The following CELF2 variants were observed in gnomAD, a reference collection of about 807,000 sequenced individuals.
The protein encoded by CELF2 is CUGBP Elav-like family member 2, also known as CUG triplet repeat RNA-binding protein 2.
CELF2 carries 8 observed loss-of-function variants against 62.6 expected under a neutral mutation model. That is an observed-to-expected ratio of 0.13 (90% CI 0.07 to 0.23). The LOEUF is 0.23. Ranked by LOEUF, CELF2 falls within the 10% of genes least tolerant of loss-of-function variation. The pLI is 1.00. For missense variants in CELF2, 333 were observed against 671.0 expected, an observed-to-expected ratio of 0.50 and a Z score of 5.56; for synonymous variants, 258 against 250.0, an observed-to-expected ratio of 1.03 and a Z score of -0.30.
intron 1 of CELF2, among the ~76,000 whole-genome samples, chr10:10,871,801 G>C (rs914055008): frequency 6.6e-6 from 1 of 152,128 alleles, no homozygotes. Context: ...CTGAAGGAGA[G>C]AGGAAGTAGT....
At chr10:10,495,169 T>A in the CELF2 span, among the ~76,000 whole-genome samples, 2 of 152,068 alleles carry the variant, frequency 1.3e-5, no homozygotes, top group Non-Finnish European at 2.9e-5. Flanking sequence ...TAGTCCCAGC[T>A]ACTCGGGAGG....
chr10:10,488,969 G>A, the CELF2 span, among the ~76,000 whole-genome samples: 1 of 152,018 alleles, frequency 6.6e-6, no homozygotes, highest in Non-Finnish European at 1.5e-5. Context: ...ATTTAGAGTA[G>A]GGAATGGTGA....
chr10:11,028,422 C>CTTTTTTTTTTTTTT (rs5742072), intron 1 of CELF2, among the ~76,000 whole-genome samples: 1 of 135,722 alleles, frequency 7.4e-6, no homozygotes. Flanking sequence ...TTTTCTTTTT[C>CTTTTTTTTTTTTTT]TTTTTTTTTT....
At chr10:10,663,682 A>G in the CELF2 span, among the ~76,000 whole-genome samples, 4 of 152,254 alleles carry the variant, frequency 2.6e-5, no homozygotes, top group Non-Finnish European at 5.9e-5. Flanking sequence ...ATTGAAAAAC[A>G]TGTTAAGGCT....
intron 1 of CELF2, among the ~76,000 whole-genome samples, chr10:10,906,933 G>A (rs540051053): frequency 8.8e-4 from 133 of 151,830 alleles, no homozygotes; most frequent in African/African-American, 3.2e-3. Context: ...TGGCCAGGAT[G>A]GTCTCAATCT....
chr10:10,693,817 C>A, the CELF2 span, among the ~76,000 whole-genome samples: 1 of 151,930 alleles, frequency 6.6e-6, no homozygotes, highest in Non-Finnish European at 1.5e-5. Context: ...TTGTAGTATT[C>A]TCTGATGGTA....
the CELF2 span, among the ~76,000 whole-genome samples, chr10:10,537,931 G>A: frequency 6.6e-6 from 1 of 152,172 alleles, no homozygotes; most frequent in Non-Finnish European, 1.5e-5. Context: ...GGCCGCGGGA[G>A]CCTGATTAGG....
chr10:10,625,557 C>G, the CELF2 span, among the ~76,000 whole-genome samples: 1 of 152,168 alleles, frequency 6.6e-6, no homozygotes, highest in Non-Finnish European at 1.5e-5. Flanking sequence ...AATCTCGAAG[C>G]CCTGAACAGC....
the CELF2 span, among the ~76,000 whole-genome samples, chr10:10,678,317 C>T: frequency 6.6e-6 from 1 of 151,986 alleles, no homozygotes; most frequent in African/African-American, 2.4e-5. Context: ...GACCGTATTA[C>T]AGCATCTATA....
At chr10:11,308,791 T>A (rs1057080742) in intron 9 of CELF2, among the ~76,000 whole-genome samples, 1 of 152,228 alleles carries the variant, frequency 6.6e-6, no homozygotes, top group Non-Finnish European at 1.5e-5. Flanking sequence ...GAAAGTTAAA[T>A]TTTAAAATGC....
chr10:11,336,491 T>C lies in CELF2; in HGVS notation c.*7438T>C, dbSNP rs1291893149. On this transcript the variant is annotated 3_prime_UTR_variant, in exon 13 of 13. Coordinates refer to ENST00000633077, the MANE Select transcript of CELF2 (RefSeq NM_001326342.2). The surrounding 1 kb of genome is among the most constrained non-coding windows in gnomAD (Gnocchi z 5.4). The stretch of plus-strand genomic sequence containing the variant: ...ATATATTGAACTATATAGTACTCGA[T>C]TTCTTAAATAAAGCTTAAGAAAGGA... The C allele has an allele frequency of 1.3e-5, 2 of 152,678 alleles. No individual in the cohort carries two copies. The highest frequency in any genetic ancestry group is 2.9e-5 in the Non-Finnish European group (2 of 68,038). 9.5% of individuals were successfully genotyped at this position (152,678 alleles called of 1,614,324 possible). A position where few individuals can be genotyped will look rare whatever the true frequency, so the allele number is the denominator to read the frequency against.
chr10:10,834,218 CA>C (rs2058094141), intron 1 of CELF2, among the ~76,000 whole-genome samples: 1 of 152,114 alleles, frequency 6.6e-6, no homozygotes, highest in African/African-American at 2.4e-5. Flanking sequence ...AACAGAAAAC[CA>C]AATACTGCGT....
the CELF2 span, among the ~76,000 whole-genome samples, chr10:10,586,564 T>A: frequency 6.6e-6 from 1 of 152,166 alleles, no homozygotes; most frequent in Non-Finnish European, 1.5e-5. Flanking sequence ...TTTTGGAAAG[T>A]TCAAGGGAAG....
At chr10:10,732,520 C>CTTTTT in the CELF2 span, among the ~76,000 whole-genome samples, 3 of 110,380 alleles carry the variant, frequency 2.7e-5, no homozygotes, top group African/African-American at 6.6e-5. Context: ...ACTCACTCTC[C>CTTTTT]TTTTTTTTTT....
intron 2 of CELF2, among the ~76,000 whole-genome samples, chr10:10,979,992 T>C (rs752635592): frequency 6.6e-6 from 1 of 152,160 alleles, no homozygotes; most frequent in African/African-American, 2.4e-5. Flanking sequence ...ACAGTGCTTG[T>C]AGAAGCAAAA....
the CELF2 span, among the ~76,000 whole-genome samples, chr10:10,649,808 C>T: frequency 4.6e-5 from 7 of 152,276 alleles, no homozygotes; most frequent in East Asian, 1.3e-3. Flanking sequence ...TGAAAATGTC[C>T]GATTGTGCCC....
At chr10:10,630,213 A>T in the CELF2 span, among the ~76,000 whole-genome samples, 4 of 152,200 alleles carry the variant, frequency 2.6e-5, no homozygotes, top group African/African-American at 9.6e-5. Flanking sequence ...GGATTAAGGA[A>T]TTAATGTTTG....
intron 9 of CELF2, among the ~76,000 whole-genome samples, chr10:11,295,240 C>G (rs2093028816): frequency 6.6e-6 from 1 of 151,918 alleles, no homozygotes. Flanking sequence ...AAATATGTAT[C>G]AAGCATCTGT....
At chr10:11,206,373 C>G (rs2060436517) in intron 2 of CELF2, among the ~76,000 whole-genome samples, 1 of 152,244 alleles carries the variant, frequency 6.6e-6, no homozygotes, top group Non-Finnish European at 1.5e-5. Context: ...ATCCTATCCT[C>G]TACAGAATCT....
Sources: gnomAD v4.1 joint callset for allele counts (sites outside exome capture counted in the v4.1 genomes callset) on GRCh38, gnomAD v4.1.1 for gene constraint, Gnocchi (gnomAD v3.1) non-coding constraint, MANE v1.5 for transcripts, NCBI Gene and HGNC (gene_info 2026-07-23, HGNC 2026-07-21) for gene names.